The following POGLUT3 variants were observed in gnomAD, a reference collection of about 807,000 sequenced individuals.
POGLUT3 encodes KDEL (Lys-Asp-Glu-Leu) containing 2.
A neutral mutation model predicts 54.3 loss-of-function variants in POGLUT3; 48 were observed. That is an observed-to-expected ratio of 0.88 (90% confidence interval 0.70 to 1.12). The LOEUF (loss-of-function observed/expected upper bound fraction) is 1.12. Among genes scored for constraint, POGLUT3 ranks in the 50% most tolerant of loss-of-function variants. The pLI is 0.00. For synonymous variants in POGLUT3, 218 were observed against 237.4 expected, an observed-to-expected ratio of 0.92 and a Z score of 0.75; for missense variants, 629 against 618.7, an observed-to-expected ratio of 1.02 and a Z score of -0.18.
chr11:108,483,661 G>GTCA (rs1450492275), intron 3 of POGLUT3, among the ~76,000 whole-genome samples: 2 of 151,918 alleles, frequency 1.3e-5, no homozygotes, highest in Non-Finnish European at 2.9e-5. Context: ...TTGCTTCCCT[G>GTCA]TCATTATTAT....
chr11:108,489,313 T>G (rs2135860279), intron 2 of POGLUT3, among the ~76,000 whole-genome samples: 1 of 152,242 alleles, frequency 6.6e-6, no homozygotes, highest in African/African-American at 2.4e-5. Context: ...TTTGAAGCAA[T>G]AATGGCCATA....
intron 7 of POGLUT3, among the ~76,000 whole-genome samples, chr11:108,475,877 T>G (rs2093580776): frequency 6.6e-6 from 1 of 152,120 alleles, no homozygotes; most frequent in South Asian, 2.1e-4. Flanking sequence ...CTAATTAATA[T>G]TTTAGAGAGA....
chr11:108,497,985 CGTG>C (rs2093625321), intron 1 of POGLUT3, among the ~76,000 whole-genome samples, 177 bp downstream of exon 1: 1 of 152,138 alleles, frequency 6.6e-6, no homozygotes, highest in Non-Finnish European at 1.5e-5. Context: ...CACAAACTTT[CGTG>C]GTGATTTTTG....
Position 108,491,509 on chromosome 11 carries a change from T to C in POGLUT3, c.203-342A>G, listed in dbSNP as rs567718305. The stretch of plus-strand genomic sequence containing the variant: ...CCATGAGTAGCTGGGACTATAGGAG[T>C]GTGCCACCATGCCCAGCTAATTTTT... On this transcript the variant is annotated intron_variant, in intron 1 of 7. Transcript: ENST00000323468. The C allele has an allele frequency of 2.5e-4, 89 of 359,770 alleles. No homozygotes were observed. In the South Asian group the frequency reaches 4.4e-3, roughly 18 times the overall value. The allele number at this position is 359,770 out of a possible 1,614,324, so 22.3% of individuals were successfully genotyped here.
chr11:108,498,184 G>T lies in POGLUT3; in HGVS notation c.183C>A (p.Asn61Lys). ...CACTACCTGCGGGAGAGCGAGTGAG[G>T]TTCTGGCCCTCCGAGTTGACCGCCT... ...YLQAVNSEGQ[N>K]LTRSPAGETP... is the part of the protein sequence containing the mutation. The change falls in exon 1 of 8, where the codon AAC becomes AAA. Residue 61 changes from asparagine to lysine, a missense_variant. Transcript: ENST00000323468. 1 of 1,519,740 alleles carries T rather than the reference G, an allele frequency of 6.6e-7. No individual in the cohort carries two copies. The highest frequency in any genetic ancestry group is 8.8e-7 in the Non-Finnish European group (1 of 1,135,570). The allele number at this position is 1,519,740 out of a possible 1,614,324, so 94.1% of individuals were successfully genotyped here.
At position 108,490,961 on chromosome 11, in the gene POGLUT3, A is replaced by G. The variant is rs752596090; in HGVS notation, c.400+9T>C. The G allele has an allele frequency of 1.2e-6, 2 of 1,609,626 alleles. No individual in the cohort carries two copies. Among genetic ancestry groups the G allele is most frequent in the African/African-American group, 2.7e-5 (2 of 74,834 alleles). ...AAGGCTGACTCTGGAGTATATAATA[A>G]TCACTTACCTTTCAAAATATAGGGA... On this transcript the variant is annotated intron_variant, in intron 2 of 7. Coordinates refer to ENST00000323468, the MANE Select transcript of POGLUT3 (RefSeq NM_153705.5).
At chr11:108,478,682 A>G (rs1008738870) in intron 6 of POGLUT3, among the ~76,000 whole-genome samples, 1 of 152,198 alleles carries the variant, frequency 6.6e-6, no homozygotes, top group African/African-American at 2.4e-5. Flanking sequence ...CAAGCAACTG[A>G]GGCTCTTATG....
intron 3 of POGLUT3, among the ~76,000 whole-genome samples, chr11:108,484,778 A>G (rs527380939): frequency 1.3e-5 from 2 of 151,890 alleles, no homozygotes; most frequent in South Asian, 4.2e-4. Flanking sequence ...CAAACAAACA[A>G]ACAAAAAAAC....
chr11:108,485,386 C>G lies in POGLUT3; in HGVS notation c.684+771G>C, dbSNP rs559792890. ...GCATGCCTATAGTCCCAGCTAGGAT[C>G]AAGGCTGAGGCAGGAGGATGGCTTG... On this transcript the variant is annotated intron_variant, in intron 3 of 7. Transcript: ENST00000323468. Among the ~76,000 whole-genome samples, 6 of 152,088 alleles carry G rather than the reference C, an allele frequency of 3.9e-5. No homozygotes were observed. In the South Asian group the frequency reaches 1.2e-3, roughly 32 times the overall value.
chr11:108,482,263 T>C (rs778859112), intron 3 of POGLUT3, 41 bp from the exon 4 acceptor site: 1 of 1,434,820 alleles, frequency 7.0e-7, no homozygotes, highest in Non-Finnish European at 9.7e-7. Flanking sequence ...TGGGAAGATC[T>C]CAGTCTTTGG....
intron 1 of POGLUT3, among the ~76,000 whole-genome samples, chr11:108,497,950 T>C (rs1272288948): frequency 6.6e-6 from 1 of 152,168 alleles, no homozygotes; most frequent in Non-Finnish European, 1.5e-5. Flanking sequence ...GGAAGGGCCC[T>C]TCAAGTTCAT....
chr11:108,476,757 G>A (rs2093582722), intron 7 of POGLUT3, among the ~76,000 whole-genome samples: 1 of 152,054 alleles, frequency 6.6e-6, no homozygotes, highest in Non-Finnish European at 1.5e-5. Flanking sequence ...TATACTTCAG[G>A]ATTCAGCCCT....
intron 7 of POGLUT3, among the ~76,000 whole-genome samples, chr11:108,476,187 G>A (rs1242428924): frequency 1.3e-5 from 2 of 152,124 alleles, no homozygotes; most frequent in South Asian, 2.1e-4. Flanking sequence ...AGGCTGGAGT[G>A]CAGTGGTGCA....
At chr11:108,475,343 G>T (rs2093578755) in intron 7 of POGLUT3, among the ~76,000 whole-genome samples, 1 of 152,036 alleles carries the variant, frequency 6.6e-6, no homozygotes, top group South Asian at 2.1e-4. Flanking sequence ...AAAGTTGGCA[G>T]TCTCACACAT....
intron 3 of POGLUT3, among the ~76,000 whole-genome samples, chr11:108,484,491 A>G (rs1256410566): frequency 6.6e-6 from 1 of 152,182 alleles, no homozygotes. Flanking sequence ...TCCCTTGGCC[A>G]GGCGCAGTGG....
At chr11:108,479,740 G>A (rs1441292050) in intron 5 of POGLUT3, among the ~76,000 whole-genome samples, 1 of 152,154 alleles carries the variant, frequency 6.6e-6, no homozygotes. Flanking sequence ...GGAAATAGGA[G>A]TGAAGACCTA....
At chr11:108,475,726 C>T (rs1288889549) in intron 7 of POGLUT3, among the ~76,000 whole-genome samples, 1 of 152,064 alleles carries the variant, frequency 6.6e-6, no homozygotes, top group Admixed American at 6.6e-5. Context: ...ACCTCAGCCT[C>T]CCAAAGTGCT....
In POGLUT3 at chr11:108,474,964, G is replaced by GT; in HGVS notation, c.1399-13dup. 1 of 1,613,508 alleles carries GT rather than the reference G, an allele frequency of 6.2e-7. No individual in the cohort carries two copies. The highest frequency in any genetic ancestry group is 8.5e-7 in the Non-Finnish European group (1 of 1,179,750). On this transcript the variant is annotated splice_polypyrimidine_tract_variant and intron_variant, in intron 7 of 7. Coordinates refer to ENST00000323468, the MANE Select transcript of POGLUT3 (RefSeq NM_153705.5). The stretch of plus-strand genomic sequence containing the variant: ...CGCTCGGCATATTTCTGAAACGTGG[G>GT]TTTAAAGGGAACTGAAAGGTTAGTT...
At chr11:108,495,046 A>C (rs1015900603) in intron 1 of POGLUT3, among the ~76,000 whole-genome samples, 7 of 152,202 alleles carry the variant, frequency 4.6e-5, no homozygotes, top group African/African-American at 1.7e-4. Flanking sequence ...TAGATCACTG[A>C]AGTTCACAAT....
Sources: gnomAD v4.1 joint callset for allele counts (sites outside exome capture counted in the v4.1 genomes callset) on GRCh38, gnomAD v4.1.1 for gene constraint, MANE v1.5 for transcripts, NCBI Gene and HGNC (gene_info 2026-07-23, HGNC 2026-07-21) for gene names.